Variants in TRABD2B observed in about 807,000 individuals in gnomAD.
TRABD2B encodes the protein TraB domain containing 2B.
TRABD2B carries 14 observed loss-of-function variants against 40.1 expected under a neutral mutation model. The observed-to-expected ratio is 0.35, with a 90% CI of 0.23 to 0.55. TRABD2B has a LOEUF of 0.55. TRABD2B is among the 20% of genes least tolerant of loss of function. The pLI, the probability that TRABD2B is intolerant of heterozygous loss-of-function variation, is 0.90. For missense variants in TRABD2B, 541 were observed against 648.6 expected (o/e 0.83, Z 1.80); for synonymous variants, 263 against 277.0 (o/e 0.95, Z 0.50).
chr1:47,990,047 A>T (rs1645978622), intron 2 of TRABD2B, among the ~76,000 whole-genome samples: 1 of 152,256 alleles, frequency 6.6e-6, no homozygotes, highest in Admixed American at 6.5e-5. Context: ...CTGCATAGAG[A>T]CAAAACTCAA....
At chr1:47,814,006 GT>G (rs1372442887) in intron 2 of TRABD2B, among the ~76,000 whole-genome samples, 2 of 152,246 alleles carry the variant, frequency 1.3e-5, no homozygotes, top group Non-Finnish European at 2.9e-5. Context: ...ACAAGGTGCT[GT>G]GAGAGTCCAG....
chr1:47,843,617 A>G (rs1645429170), intron 2 of TRABD2B, among the ~76,000 whole-genome samples: 1 of 152,198 alleles, frequency 6.6e-6, no homozygotes, highest in Non-Finnish European at 1.5e-5. Flanking sequence ...GGAAGACAGA[A>G]GAGAGGTTTA....
chr1:47,941,816 CCT>C (rs1645192967), intron 2 of TRABD2B, among the ~76,000 whole-genome samples: 1 of 152,222 alleles, frequency 6.6e-6, no homozygotes, highest in South Asian at 2.1e-4. Context: ...AGTAAGTTCA[CCT>C]CTCTGTGCTT....
intron 1 of TRABD2B, among the ~76,000 whole-genome samples, chr1:47,995,054 G>A (rs1457641131): frequency 2.0e-5 from 3 of 152,170 alleles, no homozygotes; most frequent in African/African-American, 7.2e-5. Context: ...GGTGTTTCAT[G>A]CGGAGGGTGG....
intron 2 of TRABD2B, among the ~76,000 whole-genome samples, chr1:47,855,556 G>C (rs1643882120): frequency 6.6e-6 from 1 of 152,224 alleles, no homozygotes; most frequent in African/African-American, 2.4e-5. Flanking sequence ...ACACGCATAG[G>C]TCATCCATTC....
intron 2 of TRABD2B, among the ~76,000 whole-genome samples, chr1:47,951,976 T>C (rs1269848489): frequency 6.6e-6 from 1 of 152,190 alleles, no homozygotes; most frequent in East Asian, 1.9e-4. Flanking sequence ...CCTGATCCCA[T>C]AGGAGCTGGG....
chr1:47,891,127 A>C (rs1644439391), intron 2 of TRABD2B, among the ~76,000 whole-genome samples: 1 of 152,256 alleles, frequency 6.6e-6, no homozygotes, highest in Non-Finnish European at 1.5e-5. Flanking sequence ...TTATTATTAC[A>C]AGTAAACTGT....
intron 4 of TRABD2B, among the ~76,000 whole-genome samples, chr1:47,779,125 T>G (rs977655944): frequency 6.6e-6 from 1 of 152,170 alleles, no homozygotes; most frequent in African/African-American, 2.4e-5. Context: ...AGAGATGGCA[T>G]CTCCACTGCC....
intron 2 of TRABD2B, among the ~76,000 whole-genome samples, chr1:47,891,399 G>T (rs2124652101): frequency 6.6e-6 from 1 of 152,302 alleles, no homozygotes; most frequent in Admixed American, 6.5e-5. Context: ...GCTTCTCTGG[G>T]CAGGTGATAC....
chr1:47,897,782 T>G (rs1226378967), intron 2 of TRABD2B, among the ~76,000 whole-genome samples: 1 of 152,166 alleles, frequency 6.6e-6, no homozygotes, highest in Non-Finnish European at 1.5e-5. Flanking sequence ...GGCCAGACAC[T>G]GCAGCCGACC....
At chr1:47,955,834 T>TG (rs1219105744) in intron 2 of TRABD2B, among the ~76,000 whole-genome samples, 2 of 152,316 alleles carry the variant, frequency 1.3e-5, no homozygotes, top group East Asian at 3.9e-4. Flanking sequence ...AGGAGTCCAC[T>TG]GCTCAGCAAC....
intron 2 of TRABD2B, among the ~76,000 whole-genome samples, chr1:47,826,564 AT>A (rs1053832943): frequency 1.3e-5 from 2 of 151,916 alleles, no homozygotes; most frequent in African/African-American, 4.8e-5. Context: ...TCTAGGAGCC[AT>A]TTTTTTGGTG....
intron 2 of TRABD2B, among the ~76,000 whole-genome samples, chr1:47,847,359 A>G (rs754471657): frequency 2.2e-4 from 34 of 152,202 alleles, no homozygotes; most frequent in Non-Finnish European, 4.4e-4. Context: ...GAGTTCTTCC[A>G]TCTTGGAGGA....
At chr1:47,822,035 A>G (rs1645117203) in intron 2 of TRABD2B, among the ~76,000 whole-genome samples, 1 of 151,904 alleles carries the variant, frequency 6.6e-6, no homozygotes, top group African/African-American at 2.4e-5. Context: ...GCATGCACAC[A>G]CTCTCAGTCA....
intron 2 of TRABD2B, among the ~76,000 whole-genome samples, chr1:47,946,810 C>A (rs368208035): frequency 8.1e-4 from 124 of 152,190 alleles, no homozygotes; most frequent in African/African-American, 2.5e-3. Flanking sequence ...TATATTTTGT[C>A]CTTTCACTAT....
chr1:47,918,628 A>G (rs1404635218), intron 2 of TRABD2B, among the ~76,000 whole-genome samples: 3 of 152,128 alleles, frequency 2.0e-5, no homozygotes, highest in African/African-American at 7.2e-5. Context: ...GGGGTAGAGG[A>G]GACCACGTGG....
chr1:47,962,498 T>G (rs1326905473), intron 2 of TRABD2B, among the ~76,000 whole-genome samples: 1 of 152,196 alleles, frequency 6.6e-6, no homozygotes, highest in Non-Finnish European at 1.5e-5. Context: ...TACAGTTTGC[T>G]CTGTCTCTCA....
chr1:47,825,359 C>T (rs1225276913), intron 2 of TRABD2B, among the ~76,000 whole-genome samples: 1 of 152,194 alleles, frequency 6.6e-6, no homozygotes, highest in Non-Finnish European at 1.5e-5. Flanking sequence ...TCCTCCACAG[C>T]CTGTCACCTC....
At chr1:47,966,624 G>T (rs995522994) in intron 2 of TRABD2B, among the ~76,000 whole-genome samples, 3 of 152,138 alleles carry the variant, frequency 2.0e-5, no homozygotes, top group African/African-American at 7.2e-5. Flanking sequence ...AATCAGGTTG[G>T]CCTGGTGCAG....
Sources: allele counts gnomAD v4.1 joint callset (sites outside exome capture counted in the v4.1 genomes callset), GRCh38; gene constraint gnomAD v4.1.1; transcripts MANE v1.5; gene names NCBI Gene and HGNC (gene_info 2026-07-23, HGNC 2026-07-21).